Variants in DOCK10 observed in about 807,000 individuals in gnomAD.
DOCK10 encodes the protein dedicator of cytokinesis 10, also known as dedicator of cytokinesis protein 10.
A neutral mutation model predicts 280.1 loss-of-function variants in DOCK10; 145 were observed. The observed-to-expected ratio is 0.52, with a 90% CI of 0.45 to 0.59. The LOEUF is 0.59. Ranked by LOEUF, DOCK10 falls within the 20% of genes least tolerant of loss-of-function variation. The pLI is 0.00. For missense variants in DOCK10, 2,368 were observed against 2,651.7 expected, an observed-to-expected ratio of 0.89 and a Z score of 2.35; for synonymous variants, 915 against 942.2, an observed-to-expected ratio of 0.97 and a Z score of 0.53.
intron 3 of DOCK10, among the ~76,000 whole-genome samples, chr2:224,902,120 G>C (rs1262044351): frequency 1.3e-5 from 2 of 152,156 alleles, no homozygotes; most frequent in African/African-American, 4.8e-5. Context: ...TTTTCTCCTT[G>C]TTCCTCTGCT....
rs774692258 is a variant in DOCK10, at chr2:224,853,148, T to G, written c.1889-26A>C. The G allele has an allele frequency of 3.9e-6, 6 of 1,526,816 alleles. No homozygotes were observed. The Admixed American group carries it at 1.2e-4, about 31-fold the overall frequency. 94.6% of individuals were successfully genotyped at this position (1,526,816 alleles called of 1,614,324 possible). A position where few individuals can be genotyped will look rare whatever the true frequency, so the allele number is the denominator to read the frequency against. On this transcript the variant is annotated intron_variant, in intron 16 of 55. Transcript: ENST00000258390. ...CTTAAAAAATCAGAAAATAAGAGTT[T>G]GTCATTTAATATGGTTCTTTTAAAG...
At chr2:224,833,861 A>G (rs1289200662) in intron 26 of DOCK10, among the ~76,000 whole-genome samples, 1 of 152,132 alleles carries the variant, frequency 6.6e-6, no homozygotes, top group East Asian at 1.9e-4. Flanking sequence ...CATGTTGGCC[A>G]GGCTGGTCTT....
At position 224,823,622 on chromosome 2, in the gene DOCK10, T is replaced by G. The variant is rs1432409263; in HGVS notation, c.3062A>C (p.Glu1021Ala). ...ATTGTCCAATTCATTTTGGTAAGATTCAGGAAATCTCTGAGGCCGGGGAAG... is the reference window on the plus strand; with the variant it reads ...ATTGTCCAATTCATTTTGGTAAGATGCAGGAAATCTCTGAGGCCGGGGAAG... The part of the protein sequence containing the change: ...IQLPRPQRFP[E>A]SYQNELDNLV... The change falls in exon 28 of 56, where the codon GAA (glutamate) becomes GCA (alanine). Residue 1021 changes from glutamate to alanine, a missense_variant. Coordinates refer to ENST00000258390, the MANE Select transcript of DOCK10 (RefSeq NM_014689.3). 3 of 1,601,432 alleles carry G rather than the reference T, an allele frequency of 1.9e-6. No individual in the cohort carries two copies. Among genetic ancestry groups the G allele is most frequent in the Non-Finnish European group, 2.6e-6 (3 of 1,176,046 alleles).
At chr2:224,819,792 CAAG>C (rs1183072572) in intron 28 of DOCK10, among the ~76,000 whole-genome samples, 4 of 151,348 alleles carry the variant, frequency 2.6e-5, no homozygotes, top group Non-Finnish European at 5.9e-5. Flanking sequence ...CAGAAGAAAA[CAAG>C]AAAAATTGAA....
At chr2:224,868,204 A>T (rs1430026773) in intron 11 of DOCK10, among the ~76,000 whole-genome samples, 2 of 152,186 alleles carry the variant, frequency 1.3e-5, no homozygotes, top group Non-Finnish European at 2.9e-5. Context: ...AAATGAAAAA[A>T]TTTTAAATGT....
At chr2:224,796,219 G>T in intron 44 of DOCK10, 97 bp downstream of exon 44, 3 of 813,374 alleles carry the variant, frequency 3.7e-6, no homozygotes, top group Non-Finnish European at 6.0e-6. Context: ...GTGAACCACT[G>T]TACCCAATCT....
At chr2:224,861,561 T>G (rs1697499506) in intron 14 of DOCK10, 1 of 152,220 alleles carries the variant, frequency 6.6e-6, no homozygotes, top group Non-Finnish European at 1.5e-5. Context: ...CATCTCCAAC[T>G]TTAAATAACA....
chr2:225,003,334 G>A (rs534595617), intron 1 of DOCK10, among the ~76,000 whole-genome samples: 86 of 152,288 alleles, frequency 5.6e-4, no homozygotes, highest in African/African-American at 1.9e-3. Flanking sequence ...GTAAGCCACC[G>A]TGCCTGGCTG....
At chr2:224,838,349 TG>T (rs1393795685) in intron 24 of DOCK10, among the ~76,000 whole-genome samples, 1 of 152,208 alleles carries the variant, frequency 6.6e-6, no homozygotes, top group Non-Finnish European at 1.5e-5. Context: ...TTAGCTGGGT[TG>T]GGGTTTCTAG....
At chr2:224,836,878 C>T (rs1039671444) in intron 25 of DOCK10, among the ~76,000 whole-genome samples, 1 of 151,628 alleles carries the variant, frequency 6.6e-6, no homozygotes, top group Non-Finnish European at 1.5e-5. Context: ...GGATTACAGG[C>T]GTGAGCCACC....
chr2:224,914,616 G>C (rs1305020397), intron 3 of DOCK10, among the ~76,000 whole-genome samples: 1 of 152,104 alleles, frequency 6.6e-6, no homozygotes, highest in Non-Finnish European at 1.5e-5. Flanking sequence ...ATTTCATAGA[G>C]AGACACCTTT....
chr2:224,832,946 A>G (rs1224314375), intron 26 of DOCK10, among the ~76,000 whole-genome samples: 3 of 152,106 alleles, frequency 2.0e-5, no homozygotes, highest in South Asian at 4.2e-4. Context: ...ACTGCTTCCA[A>G]TCTCCTGAAA....
intron 2 of DOCK10, among the ~76,000 whole-genome samples, chr2:224,923,278 G>A (rs1221104489): frequency 6.6e-6 from 1 of 152,174 alleles, no homozygotes. Context: ...TAGGTATATA[G>A]TAGTGATAGA....
intron 1 of DOCK10, among the ~76,000 whole-genome samples, chr2:224,960,351 C>T (rs1704295142): frequency 6.6e-6 from 1 of 152,112 alleles, no homozygotes; most frequent in Admixed American, 6.6e-5. Flanking sequence ...CTATTTGCAA[C>T]CATATGTTTA....
Position 225,042,253 on chromosome 2 carries a change from C to CGCTGCT in DOCK10, c.116_121dup (p.Gln39_Gln40dup). ...GCGCGGAGGACGCGCCGCACTCACC[C>CGCTGCT]GCTGCTGCTGCCGGCTGCTGACTGC... On this transcript the variant is annotated inframe_insertion and splice_region_variant, in exon 1 of 56. Transcript: ENST00000258390. The surrounding 1 kb of genome is among the most constrained non-coding windows in gnomAD (Gnocchi z 5.1). 7.7e-7 allele frequency: 1 copy of CGCTGCT among 1,297,912 alleles called. No individual in the cohort carries two copies. The allele number at this position is 1,297,912 out of a possible 1,614,324, so 80.4% of individuals were successfully genotyped here.
intron 4 of DOCK10, among the ~76,000 whole-genome samples, chr2:224,894,948 G>A (rs900678367): frequency 2.6e-5 from 4 of 152,140 alleles, no homozygotes; most frequent in African/African-American, 7.2e-5. Flanking sequence ...TAAAATCCAA[G>A]CTCCTTTCCA....
chr2:224,864,476 C>T, intron 13 of DOCK10, 77 bp downstream of exon 13: 3 of 1,404,392 alleles, frequency 2.1e-6, no homozygotes, highest in South Asian at 3.1e-5. Flanking sequence ...TGCCACTGCA[C>T]TCCAGCCTGG....
chr2:224,812,881 C>T (rs978797606), intron 31 of DOCK10, among the ~76,000 whole-genome samples: 2 of 152,006 alleles, frequency 1.3e-5, no homozygotes, highest in Admixed American at 6.5e-5. Context: ...CTGCTGGATT[C>T]GGTTTGCCAG....
chr2:224,772,347 T>A (rs1442122307), intron 53 of DOCK10, among the ~76,000 whole-genome samples: 1 of 152,218 alleles, frequency 6.6e-6, no homozygotes, highest in Non-Finnish European at 1.5e-5. Flanking sequence ...TAAATAAAAA[T>A]TAATGCCTTA....
Sources: gnomAD v4.1 joint callset for allele counts (sites outside exome capture counted in the v4.1 genomes callset) on GRCh38, gnomAD v4.1.1 for gene constraint, Gnocchi (gnomAD v3.1) non-coding constraint, MANE v1.5 for transcripts, NCBI Gene and HGNC (gene_info 2026-07-23, HGNC 2026-07-21) for gene names.